The following NAV2 variants were observed in gnomAD, a reference collection of about 807,000 sequenced individuals.
The protein encoded by NAV2 is neuron navigator 2.
In NAV2, 54 loss-of-function variants were observed where a neutral mutation model predicts 223.2. The ratio of observed to expected loss-of-function variants is 0.24; its 90% CI spans 0.19 to 0.30. The LOEUF (loss-of-function observed/expected upper bound fraction) is 0.30, where lower values mean the gene tolerates loss of function less well. Ranked by LOEUF, NAV2 falls within the 10% of genes least tolerant of loss-of-function variation. The pLI, the probability that NAV2 is intolerant of heterozygous loss-of-function variation, is 1.00. For synonymous variants in NAV2, 1,279 were observed against 1,239.3 expected (o/e 1.03, Z -0.67); for missense variants, 2,806 against 3,147.5 (o/e 0.89, Z 2.60).
In NAV2 at chr11:20,103,713, C is replaced by T. The variant is rs2061812812; in HGVS notation, c.6633C>T (p.His2211=). The change falls in exon 34 of 38, where the codon CAC becomes CAT. Residue 2211 remains histidine, a synonymous_variant. Transcript: ENST00000349880. ...ATSSTPNLQL[H]HNFRWVLCAN... Reference sequence around the variant, plus strand: ...CTTCGACTCCCAACCTGCAGCTTCACCATAACTTCAGGTCAGTTTTCCCTT... The same window carrying T: ...CTTCGACTCCCAACCTGCAGCTTCATCATAACTTCAGGTCAGTTTTCCCTT... 1 of 1,614,022 alleles carries T rather than the reference C, an allele frequency of 6.2e-7. No homozygotes were observed. Among genetic ancestry groups the T allele is most frequent in the East Asian group, 2.2e-5 (1 of 44,884 alleles).
chr11:19,607,011 G>A (rs1012591331), intron 1 of NAV2, among the ~76,000 whole-genome samples: 8 of 152,198 alleles, frequency 5.3e-5, no homozygotes, highest in Non-Finnish European at 1.2e-4. Context: ...CTTCCACACC[G>A]TATGGGCCAG....
chr11:19,450,041 A>G (rs1475103878), intron 1 of NAV2, among the ~76,000 whole-genome samples: 1 of 152,154 alleles, frequency 6.6e-6, no homozygotes, highest in Non-Finnish European at 1.5e-5. Flanking sequence ...CTGGGACCTC[A>G]TTTTAAAAAA....
At chr11:19,527,707 T>A (rs2043886966) in intron 1 of NAV2, among the ~76,000 whole-genome samples, 1 of 151,384 alleles carries the variant, frequency 6.6e-6, no homozygotes. Flanking sequence ...CAGCTTGATC[T>A]CTCACAGTAT....
chr11:19,843,441 T>A (rs974361320), intron 3 of NAV2, among the ~76,000 whole-genome samples: 7 of 152,230 alleles, frequency 4.6e-5, no homozygotes, highest in African/African-American at 1.2e-4. Flanking sequence ...CAAGTGATAT[T>A]CTCTCTGGCA....
chr11:19,574,261 G>T (rs1043927275), intron 1 of NAV2, among the ~76,000 whole-genome samples: 3 of 152,144 alleles, frequency 2.0e-5, no homozygotes, highest in Non-Finnish European at 2.9e-5. Context: ...ATTAGCCCAG[G>T]TGCAAAAATA....
intron 1 of NAV2, among the ~76,000 whole-genome samples, chr11:19,824,765 C>T (rs75996422): frequency 7.6e-4 from 115 of 152,292 alleles, no homozygotes; most frequent in African/African-American, 2.7e-3. Flanking sequence ...GGATGGGTAT[C>T]ATACTCCTTG....
At position 20,045,115 on chromosome 11, in the gene NAV2, A is replaced by G; in HGVS notation, c.3347A>G (p.Asn1116Ser). The G allele has an allele frequency of 6.2e-7, 1 of 1,614,150 alleles. No individual in the cohort carries two copies. The highest frequency in any genetic ancestry group is 8.5e-7 in the Non-Finnish European group (1 of 1,180,012). The part of the protein sequence containing the change: ...LPSSSRTPTA[N>S]ANSFGFKKQS... Reference sequence around the variant, plus strand: ...AGCAGCTCTAGGACACCTACTGCCAATGCCAACAGCTTTGGGTTCAAGAAG... The same window carrying G: ...AGCAGCTCTAGGACACCTACTGCCAGTGCCAACAGCTTTGGGTTCAAGAAG... Residue 1116 changes from asparagine to serine, a missense_variant, in exon 14 of 38, where the codon AAT (asparagine) becomes AGT (serine). This residue lies in a region of NAV2 where 742 missense variants were observed against 777.9 expected (regional missense o/e 0.95). Coordinates refer to ENST00000349880, the MANE Select transcript of NAV2 (RefSeq NM_145117.5).
At chr11:20,020,010 T>G (rs1167215679) in intron 11 of NAV2, among the ~76,000 whole-genome samples, 5 of 136,776 alleles carry the variant, frequency 3.7e-5, no homozygotes, top group Admixed American at 7.4e-5. Context: ...AAAAAAAAAG[T>G]TTTTGTTTGA....
At chr11:19,787,691 A>G (rs1444046793) in intron 1 of NAV2, among the ~76,000 whole-genome samples, 1 of 152,158 alleles carries the variant, frequency 6.6e-6, no homozygotes, top group East Asian at 1.9e-4. Context: ...GAGGTGCTGG[A>G]AAAGTTACCT....
intron 1 of NAV2, among the ~76,000 whole-genome samples, chr11:19,444,888 C>T (rs2632009): frequency 2.0e-5 from 3 of 151,900 alleles, no homozygotes; most frequent in African/African-American, 7.3e-5. Flanking sequence ...ATTACTTAAA[C>T]TTTTTTATAA....
At chr11:19,679,872 T>C (rs1270893621) in intron 1 of NAV2, among the ~76,000 whole-genome samples, 1 of 152,166 alleles carries the variant, frequency 6.6e-6, no homozygotes, top group East Asian at 1.9e-4. Context: ...GTGTGCTCCT[T>C]AAATACCTGA....
chr11:19,421,631 A>C (rs1850616777), intron 1 of NAV2, among the ~76,000 whole-genome samples: 1 of 152,226 alleles, frequency 6.6e-6, no homozygotes, highest in African/African-American at 2.4e-5. Context: ...CATATGTGAT[A>C]TGAGGATATG....
intron 1 of NAV2, among the ~76,000 whole-genome samples, chr11:19,665,278 G>A (rs1468449642): frequency 6.6e-6 from 1 of 152,204 alleles, no homozygotes; most frequent in South Asian, 2.1e-4. Flanking sequence ...CAGCCGACTG[G>A]CCAAGATCCT....
chr11:19,785,763 A>C (rs2152700854), intron 1 of NAV2, among the ~76,000 whole-genome samples: 1 of 152,120 alleles, frequency 6.6e-6, no homozygotes, highest in South Asian at 2.1e-4. Context: ...ATTCCTTAGA[A>C]GCTGTCTCAC....
At position 19,818,727 on chromosome 11, in the gene NAV2, G is replaced by A. The variant is rs1169063104; in HGVS notation, c.268-13757G>A. The stretch of plus-strand genomic sequence containing the variant: ...AAATAGCACTTTAGCATCCACCGTC[G>A]GGTGGGTCCTACTACCAAGCTACTG... On this transcript the variant is annotated intron_variant, in intron 1 of 37. Coordinates refer to ENST00000349880, the MANE Select transcript of NAV2 (RefSeq NM_145117.5). Among the ~76,000 whole-genome samples, 6 of 152,270 alleles carry A rather than the reference G, an allele frequency of 3.9e-5. No individual in the cohort carries two copies. The East Asian group carries it at 5.8e-4, about 15-fold the overall frequency.
intron 1 of NAV2, among the ~76,000 whole-genome samples, chr11:19,686,390 C>T (rs2049025982): frequency 6.6e-6 from 1 of 152,186 alleles, no homozygotes; most frequent in Admixed American, 6.5e-5. Flanking sequence ...GACCACAAAG[C>T]AGGTACTCTG....
intron 10 of NAV2, among the ~76,000 whole-genome samples, chr11:19,962,562 G>A (rs1243534562): frequency 6.6e-6 from 1 of 152,172 alleles, no homozygotes; most frequent in Non-Finnish European, 1.5e-5. Flanking sequence ...CCCTGCCTGG[G>A]ATGTGACCAC....
chr11:19,356,013 G>T (rs574824511), intron 1 of NAV2, among the ~76,000 whole-genome samples: 1 of 152,314 alleles, frequency 6.6e-6, no homozygotes, highest in East Asian at 1.9e-4. Context: ...TTCCTGGACT[G>T]GGCCAGTGTT....
chr11:19,844,144 G>T (rs2060655739), intron 3 of NAV2, among the ~76,000 whole-genome samples: 1 of 152,196 alleles, frequency 6.6e-6, no homozygotes. Context: ...TTTTGGAAAA[G>T]CTGGGCTGCT....
Sources: allele counts gnomAD v4.1 joint callset (sites outside exome capture counted in the v4.1 genomes callset), GRCh38; gene constraint gnomAD v4.1.1; regional missense constraint gnomAD v4.1.1; transcripts MANE v1.5; gene names NCBI Gene and HGNC (gene_info 2026-07-23, HGNC 2026-07-21).